GTF2IRD1: variants seen among roughly 807,000 people sequenced by gnomAD.
The protein encoded by GTF2IRD1 is GTF2I repeat domain containing 1, also known as general transcription factor II-I repeat domain-containing protein 1.
In GTF2IRD1, 26 loss-of-function variants were observed where a neutral mutation model predicts 113.2. The ratio of observed to expected loss-of-function variants is 0.23; its 90% confidence interval spans 0.17 to 0.32. The LOEUF (loss-of-function observed/expected upper bound fraction) is 0.32. Ranked by LOEUF, GTF2IRD1 falls within the 10% of genes least tolerant of loss-of-function variation. The pLI, the probability that GTF2IRD1 is intolerant of heterozygous loss-of-function variation, is 1.00. For missense variants in GTF2IRD1, 864 were observed against 1,280.8 expected (o/e 0.67, Z 4.97); for synonymous variants, 484 against 529.1 (o/e 0.91, Z 1.17).
At chr7:74,494,529 A>G (rs948737032) in intron 1 of GTF2IRD1, among the ~76,000 whole-genome samples, 14 of 152,184 alleles carry the variant, frequency 9.2e-5, no homozygotes, top group Admixed American at 3.3e-4. Flanking sequence ...CGCTGCCCAC[A>G]CATTCTGTTG....
intron 22 of GTF2IRD1, among the ~76,000 whole-genome samples, chr7:74,573,907 C>T (rs913065959): frequency 1.3e-5 from 2 of 152,170 alleles, no homozygotes; most frequent in African/African-American, 2.4e-5. Flanking sequence ...TGCACAGGCC[C>T]AGGTGTCTCA....
At chr7:74,478,802 G>A (rs1794572167) in intron 1 of GTF2IRD1, among the ~76,000 whole-genome samples, 2 of 151,676 alleles carry the variant, frequency 1.3e-5, no homozygotes, top group South Asian at 4.2e-4. Context: ...CTGGAGTGCA[G>A]TAGCGTGATC....
At chr7:74,500,608 CCTTT>C (rs1238720008) in intron 1 of GTF2IRD1, among the ~76,000 whole-genome samples, 9 of 151,722 alleles carry the variant, frequency 5.9e-5, no homozygotes, top group Admixed American at 1.3e-4. Flanking sequence ...TGTGTGTGTC[CCTTT>C]CTTTACTGTC....
chr7:74,477,879 T>A (rs1239250930), intron 1 of GTF2IRD1, among the ~76,000 whole-genome samples: 1 of 152,150 alleles, frequency 6.6e-6, no homozygotes, highest in African/African-American at 2.4e-5. Context: ...ATGTTCCTCA[T>A]CCGTGTTGTT....
At chr7:74,473,061 G>GC (rs1357289158) in intron 1 of GTF2IRD1, among the ~76,000 whole-genome samples, 3 of 152,210 alleles carry the variant, frequency 2.0e-5, no homozygotes, top group African/African-American at 7.2e-5. Flanking sequence ...ATGGTTGATG[G>GC]CCCCCCAGGG....
Position 74,513,125 on chromosome 7 carries a change from G to A in GTF2IRD1, c.265+154G>A, listed in dbSNP as rs77802272. ...GGTTGTCTGAGATTCCCGATGTGGT[G>A]TTATTGAGGCAGCCCCTGAGTTGAT... On this transcript the variant is annotated intron_variant, in intron 3 of 26. Transcript: ENST00000424337. 2.6e-5 allele frequency among the ~76,000 whole-genome samples: 4 copies of A among 152,330 alleles called. No individual in the cohort carries two copies. The East Asian group carries it at 5.8e-4, about 22-fold the overall frequency.
intron 1 of GTF2IRD1, among the ~76,000 whole-genome samples, chr7:74,491,228 C>T (rs1416689586): frequency 6.6e-6 from 1 of 151,718 alleles, no homozygotes; most frequent in East Asian, 1.9e-4. Context: ...ATCGCCTGAA[C>T]CCTGGAGGTG....
At chr7:74,526,382 CAGCCCAAGGCATTCCACTGGTCGTGGGTG>C (rs1223534982) in intron 8 of GTF2IRD1, among the ~76,000 whole-genome samples, 1 of 152,224 alleles carries the variant, frequency 6.6e-6, no homozygotes, top group Non-Finnish European at 1.5e-5. Flanking sequence ...CGGGGTCTGG[CAGCCCAAGGCATTCCACTGGTCGTGGGTG>C]AGCAAACCCT....
chr7:74,467,960 C>A (rs1554331343), intron 1 of GTF2IRD1, among the ~76,000 whole-genome samples: 2 of 152,184 alleles, frequency 1.3e-5, no homozygotes, highest in African/African-American at 4.8e-5. Flanking sequence ...TTTAGACACA[C>A]ATGCTTGTGT....
intron 17 of GTF2IRD1, among the ~76,000 whole-genome samples, chr7:74,553,436 C>T (rs188074114): frequency 9.2e-5 from 14 of 152,100 alleles, no homozygotes; most frequent in African/African-American, 2.4e-4. Flanking sequence ...TGCAGGGGCA[C>T]GCCACCACAC....
At chr7:74,494,496 T>C (rs1454032315) in intron 1 of GTF2IRD1, among the ~76,000 whole-genome samples, 4 of 152,214 alleles carry the variant, frequency 2.6e-5, no homozygotes, top group Non-Finnish European at 5.9e-5. Context: ...TTTGGGGACC[T>C]GGCTGCAGAG....
chr7:74,461,245 G>C (rs1347810359), intron 1 of GTF2IRD1, among the ~76,000 whole-genome samples: 1 of 152,166 alleles, frequency 6.6e-6, no homozygotes, highest in Non-Finnish European at 1.5e-5. Context: ...TGCAGAAGAG[G>C]CTGCATGGTT....
chr7:74,462,766 C>T (rs782472751), intron 1 of GTF2IRD1, among the ~76,000 whole-genome samples: 7 of 152,342 alleles, frequency 4.6e-5, no homozygotes, highest in African/African-American at 7.2e-5. Context: ...TGCTCATCTC[C>T]GCCCTCAGAG....
intron 22 of GTF2IRD1, among the ~76,000 whole-genome samples, chr7:74,574,150 A>ATTTTTTTTTT (rs71094796): frequency 0.029 from 3,078 of 104,624 alleles, no homozygotes; most frequent in Non-Finnish European, 0.043. Context: ...CACCAAGCTA[A>ATTTTTTTTTT]TTTTTTTTTT....
intron 8 of GTF2IRD1, among the ~76,000 whole-genome samples, chr7:74,525,627 G>A (rs921539022): frequency 2.0e-5 from 3 of 152,084 alleles, no homozygotes; most frequent in Non-Finnish European, 4.4e-5. Flanking sequence ...ATGGTGGCAT[G>A]CACCTGTAAT....
At chr7:74,524,768 G>A (rs1400196913) in intron 8 of GTF2IRD1, among the ~76,000 whole-genome samples, 2 of 152,196 alleles carry the variant, frequency 1.3e-5, no homozygotes, top group African/African-American at 4.8e-5. Flanking sequence ...CAGATCCTGA[G>A]GCACCAGAAT....
chr7:74,499,599 C>T (rs1795913567), intron 1 of GTF2IRD1, among the ~76,000 whole-genome samples: 1 of 151,218 alleles, frequency 6.6e-6, no homozygotes, highest in African/African-American at 2.4e-5. Flanking sequence ...AATGAATGCA[C>T]ACAAAGGAAT....
intron 1 of GTF2IRD1, among the ~76,000 whole-genome samples, chr7:74,465,829 G>C (rs953721051): frequency 7.2e-5 from 11 of 152,154 alleles, no homozygotes; most frequent in Middle Eastern, 3.4e-3. Context: ...GAGTGCAGTG[G>C]CAGGATCTCG....
At chr7:74,469,370 T>A (rs1793949923) in intron 1 of GTF2IRD1, among the ~76,000 whole-genome samples, 1 of 152,156 alleles carries the variant, frequency 6.6e-6, no homozygotes, top group East Asian at 1.9e-4. Flanking sequence ...TATTCATCAC[T>A]GTCTAATTTC....
Sources: allele counts gnomAD v4.1 joint callset (sites outside exome capture counted in the v4.1 genomes callset), GRCh38; gene constraint gnomAD v4.1.1; transcripts MANE v1.5; gene names NCBI Gene and HGNC (gene_info 2026-07-23, HGNC 2026-07-21).